Variants in CFAP161 observed in about 807,000 individuals in gnomAD.
CFAP161 encodes cilia and flagella associated protein 161.
Under a neutral mutation model 29.0 loss-of-function variants are expected in CFAP161, and 25 were observed. The observed-to-expected ratio is 0.86, with a 90% confidence interval of 0.63 to 1.20. The LOEUF (loss-of-function observed/expected upper bound fraction) is 1.20. Ranked by LOEUF, CFAP161 falls within the 50% of genes most tolerant of loss-of-function variation. The pLI, the probability that CFAP161 is intolerant of heterozygous loss-of-function variation, is 0.00. For synonymous variants in CFAP161, 116 were observed against 137.4 expected (o/e 0.84, Z 1.09); for missense variants, 367 against 371.9 (o/e 0.99, Z 0.11).
chr15:81,134,159 C>A (rs758761757), upstream of CFAP161: 13 of 678,062 alleles, frequency 1.9e-5, no homozygotes, highest in Non-Finnish European at 2.4e-5. Flanking sequence ...CACAGACAGC[C>A]GCTGACCCAG....
In CFAP161 at chr15:81,148,324, C is replaced by G. The variant is rs777940019; in HGVS notation, c.711-14C>G. On this transcript the variant is annotated splice_polypyrimidine_tract_variant and intron_variant, in intron 6 of 6. Coordinates refer to ENST00000286732, the MANE Select transcript of CFAP161 (RefSeq NM_173528.4). ...ATTCAATTTCAAACCACAACTGATTCTCTCTTGCTCCAGCACCTATTTTGG... is the reference window on the plus strand; with the variant it reads ...ATTCAATTTCAAACCACAACTGATTGTCTCTTGCTCCAGCACCTATTTTGG... The G allele has an allele frequency of 1.3e-6, 2 of 1,595,846 alleles. No homozygotes were observed. The highest frequency in any genetic ancestry group is 1.1e-5 in the South Asian group (1 of 90,038).
intron 5 of CFAP161, 148 bp from the exon 6 acceptor site, chr15:81,147,710 A>G (rs1194446098): frequency 3.3e-5 from 18 of 537,496 alleles, no homozygotes; most frequent in South Asian, 5.6e-5. Flanking sequence ...GAAGTGGCAC[A>G]TGACTGTGAA....
chr15:81,138,380 A>G (rs1894848773), intron 4 of CFAP161, among the ~76,000 whole-genome samples: 4 of 152,256 alleles, frequency 2.6e-5, no homozygotes, highest in African/African-American at 9.6e-5. Context: ...AAACCATTTC[A>G]CAATGCAGCT....
intron 1 of CFAP161, among the ~76,000 whole-genome samples, chr15:81,111,162 C>T (rs2683236): frequency 0.75 from 114,415 of 152,112 alleles, 43,875 homozygotes; most frequent in African/African-American, 0.86. Context: ...ACTGACCCTT[C>T]GGCAACACAC....
At chr15:81,133,227 A>ATATATT (rs1567156509), upstream of CFAP161, among the ~76,000 whole-genome samples, 4 of 50,406 alleles carry the variant, frequency 7.9e-5, no homozygotes, top group Non-Finnish European at 1.7e-4. Flanking sequence ...ATATATATGT[A>ATATATT]TTTTTTTTTA....
chr15:81,143,961 A>G, intron 5 of CFAP161, 141 bp downstream of exon 5: 1 of 927,610 alleles, frequency 1.1e-6, no homozygotes, highest in Non-Finnish European at 1.5e-6. Context: ...CATTTATAAC[A>G]CACAGACTTA....
chr15:81,133,176 CATATATATAT>C (rs141326043), upstream of CFAP161, among the ~76,000 whole-genome samples: 156 of 60,980 alleles, frequency 2.6e-3, 1 homozygote, highest in East Asian at 7.3e-3. Flanking sequence ...CCTTCATCAG[CATATATATAT>C]ATATATATAT....
chr15:81,142,167 C>T (rs1244788339), intron 4 of CFAP161, among the ~76,000 whole-genome samples: 2 of 152,072 alleles, frequency 1.3e-5, no homozygotes, highest in East Asian at 3.9e-4. Flanking sequence ...GTTTCTCTTG[C>T]CCCAGTGCAG....
At chr15:81,109,902 C>T (rs995649097) in intron 1 of CFAP161, among the ~76,000 whole-genome samples, 8 of 152,110 alleles carry the variant, frequency 5.3e-5, no homozygotes, top group African/African-American at 1.9e-4. Context: ...CATTTTTAAA[C>T]TGCTGATTTC....
At chr15:81,113,048 A>G (rs1894457268) in intron 1 of CFAP161, among the ~76,000 whole-genome samples, 1 of 152,230 alleles carries the variant, frequency 6.6e-6, no homozygotes, top group Non-Finnish European at 1.5e-5. Context: ...TTTATGATAA[A>G]AAGAGTAAAA....
At chr15:81,135,576 TC>T (rs1382855572) in intron 2 of CFAP161, among the ~76,000 whole-genome samples, 1 of 140,386 alleles carries the variant, frequency 7.1e-6, no homozygotes, top group African/African-American at 2.7e-5. Flanking sequence ...CCATGTGTTC[TC>T]CATTGTTCAA....
At chr15:81,122,403 A>G (rs769971886) in intron 1 of CFAP161, among the ~76,000 whole-genome samples, 4 of 151,808 alleles carry the variant, frequency 2.6e-5, no homozygotes, top group Non-Finnish European at 5.9e-5. Flanking sequence ...AGTAATAGCC[A>G]TTCTGACTGG....
intron 4 of CFAP161, among the ~76,000 whole-genome samples, chr15:81,139,914 A>G (rs1894877729): frequency 6.6e-6 from 1 of 152,224 alleles, no homozygotes; most frequent in Non-Finnish European, 1.5e-5. Flanking sequence ...TAAATATCAT[A>G]ATTTAAAACT....
At chr15:81,113,138 G>T (rs1894458817) in intron 1 of CFAP161, among the ~76,000 whole-genome samples, 1 of 152,146 alleles carries the variant, frequency 6.6e-6, no homozygotes, top group Non-Finnish European at 1.5e-5. Context: ...CATCTGCGTT[G>T]TAAGTTGTGA....
At chr15:81,125,112 GA>G (rs58323425) in intron 1 of CFAP161, among the ~76,000 whole-genome samples, 13 of 149,546 alleles carry the variant, frequency 8.7e-5, no homozygotes, top group South Asian at 2.1e-4. Flanking sequence ...AAGTAAAAAA[GA>G]AAAAAAAACA....
upstream of CFAP161, among the ~76,000 whole-genome samples, chr15:81,132,057 A>C (rs1217185881): frequency 6.6e-6 from 1 of 152,148 alleles, no homozygotes; most frequent in Admixed American, 6.6e-5. Context: ...AGGGCCGATC[A>C]CTTGAGGTCA....
upstream of CFAP161, among the ~76,000 whole-genome samples, chr15:81,131,136 T>TAAAAAAAAAAA (rs34706078): frequency 7.6e-6 from 1 of 130,922 alleles, no homozygotes. Flanking sequence ...CTTCAATTTG[T>TAAAAAAAAAAA]AAAAAAAAAA....
intron 1 of CFAP161, among the ~76,000 whole-genome samples, chr15:81,103,033 G>A (rs1485116337): frequency 6.6e-6 from 1 of 151,530 alleles, no homozygotes; most frequent in African/African-American, 2.4e-5. Flanking sequence ...TCACTGAAGG[G>A]CAGCCGCTGG....
At chr15:81,114,385 G>C (rs1894471749) in intron 1 of CFAP161, among the ~76,000 whole-genome samples, 1 of 152,192 alleles carries the variant, frequency 6.6e-6, no homozygotes, top group Non-Finnish European at 1.5e-5. Context: ...TCAGTGAGTT[G>C]TAATCTTTAT....
Sources: gnomAD v4.1 joint callset for allele counts (sites outside exome capture counted in the v4.1 genomes callset) on GRCh38, gnomAD v4.1.1 for gene constraint, MANE v1.5 for transcripts, NCBI Gene and HGNC (gene_info 2026-07-23, HGNC 2026-07-21) for gene names.